The following EXPH5 variants were observed in gnomAD, a reference collection of about 807,000 sequenced individuals.
The protein encoded by EXPH5 is exophilin 5.
A neutral mutation model predicts 41.1 loss-of-function variants in EXPH5; 42 were observed. The observed-to-expected ratio is 1.02, with a 90% CI of 0.80 to 1.32. The LOEUF is 1.32. EXPH5 is among the 40% of genes most tolerant of loss of function. The pLI, the probability that EXPH5 is intolerant of heterozygous loss-of-function variation, is 0.00. For missense variants in EXPH5, 2,298 were observed against 2,314.5 expected (o/e 0.99, Z 0.15); for synonymous variants, 798 against 833.5 (o/e 0.96, Z 0.73).
At chr11:108,563,178 T>C (rs2094020273) in intron 1 of EXPH5, among the ~76,000 whole-genome samples, 1 of 152,176 alleles carries the variant, frequency 6.6e-6, no homozygotes, top group Non-Finnish European at 1.5e-5. Flanking sequence ...CTTAATTTTG[T>C]CCCTTGTGGT....
rs114011942 is a variant in EXPH5 at position 108,511,647 on chromosome 11, T to A, written c.3860A>T (p.Glu1287Val). The A allele has an allele frequency of 6.2e-7, 1 of 1,609,498 alleles. No individual in the cohort carries two copies. Among genetic ancestry groups the A allele is most frequent in the African/African-American group, 1.3e-5 (1 of 74,740 alleles). Reference protein sequence around the residue: ...LLIESPQVETETFPNALEKDK... With the variant: ...LLIESPQVETVTFPNALEKDK... ...TTTTTCTAAAGCGTTAGGAAATGTT[T>A]CAGTCTCCACTTGAGGTGATTCTAT... The change falls in exon 6 of 6, where the codon GAA (glutamate) becomes GTA (valine). Residue 1287 changes from glutamate to valine, a missense_variant. Physicochemically the swap from Glu to Val is moderately radical, Grantham distance 121. Coordinates refer to ENST00000265843, the MANE Select transcript of EXPH5 (RefSeq NM_015065.3).
In EXPH5 at chr11:108,539,127, G is replaced by C. The variant is rs141592774; in HGVS notation, c.340C>G (p.Pro114Ala). 621 of 1,610,722 alleles carry C rather than the reference G, an allele frequency of 3.9e-4. 1 individual carries two copies. Among genetic ancestry groups the C allele is most frequent in the Non-Finnish European group, 5.1e-4 (602 of 1,178,144 alleles). The change falls in exon 3 of 6, where the codon CCT becomes GCT. Residue 114 changes from proline to alanine, a missense_variant. Physicochemically the swap from Pro to Ala is conservative, Grantham distance 27. Coordinates refer to ENST00000265843, the MANE Select transcript of EXPH5 (RefSeq NM_015065.3). ...CTGAAGCTCATCCGGGAAGAAAAAG[G>C]TGTCGGCTTTTTTTGATTAGTTACA... is the stretch of plus-strand genomic sequence containing the variant. ...KNVTNQKKPT[P>A]FSSRMSFRSS...
chr11:108,505,617 C>G lies in EXPH5; in HGVS notation c.*3920G>C, dbSNP rs1163221349. 6.6e-6 allele frequency: 1 copy of G among 152,110 alleles called. No homozygotes were observed. The highest frequency in any genetic ancestry group is 1.5e-5 in the Non-Finnish European group (1 of 68,014). The allele number at this position is 152,110 out of a possible 1,614,324, so 9.4% of individuals were successfully genotyped here. ...ATACAGAACTGCCAGTCACAAAGAGCCACTAAGTGGCAATACAGCCACAAA... is the reference window on the plus strand; with the variant it reads ...ATACAGAACTGCCAGTCACAAAGAGGCACTAAGTGGCAATACAGCCACAAA... On this transcript the variant is annotated 3_prime_UTR_variant, in exon 6 of 6. Coordinates refer to ENST00000265843, the MANE Select transcript of EXPH5 (RefSeq NM_015065.3).
At position 108,593,562 on chromosome 11, in the gene EXPH5, T is replaced by C; in HGVS notation, c.-26A>G. 2 of 1,614,042 alleles carry C rather than the reference T, an allele frequency of 1.2e-6. No homozygotes were observed. The highest frequency in any genetic ancestry group is 1.7e-6 in the Non-Finnish European group (2 of 1,179,960). On this transcript the variant is annotated 5_prime_UTR_variant, in exon 1 of 6. Transcript: ENST00000265843. ...TTTCTTTACTGTGTGTGAGTTACAC[T>C]TAAGCTCCTTGGCGCCTCCTGTTAG...
intron 1 of EXPH5, among the ~76,000 whole-genome samples, chr11:108,568,357 G>C (rs2094044475): frequency 1.3e-5 from 2 of 152,204 alleles, no homozygotes; most frequent in South Asian, 4.2e-4. Flanking sequence ...TGGCCGGCGT[G>C]GTGGTTCCTG....
At chr11:108,569,763 T>C (rs953529347) in intron 1 of EXPH5, among the ~76,000 whole-genome samples, 1 of 152,156 alleles carries the variant, frequency 6.6e-6, no homozygotes, top group South Asian at 2.1e-4. Context: ...GTGAGTGCTG[T>C]TGAACAGAAA....
intron 4 of EXPH5, among the ~76,000 whole-genome samples, chr11:108,523,329 C>T (rs2093777399): frequency 6.6e-6 from 1 of 152,144 alleles, no homozygotes; most frequent in Admixed American, 6.6e-5. Flanking sequence ...CATGCAAGTG[C>T]CTTACTGAAG....
At chr11:108,598,531 A>G (rs1184845945), upstream of EXPH5, among the ~76,000 whole-genome samples, 1 of 50,864 alleles carries the variant, frequency 2.0e-5, no homozygotes, top group East Asian at 3.9e-4. Context: ...TATGAAGAAA[A>G]TTAACAGAGT....
At chr11:108,527,202 C>G (rs1363258854) in intron 4 of EXPH5, among the ~76,000 whole-genome samples, 1 of 151,986 alleles carries the variant, frequency 6.6e-6, no homozygotes, top group African/African-American at 2.4e-5. Flanking sequence ...GGCCTGCAAT[C>G]CCAGCTAATT....
intron 1 of EXPH5, among the ~76,000 whole-genome samples, chr11:108,574,220 T>C (rs2094072551): frequency 6.6e-6 from 1 of 151,918 alleles, no homozygotes; most frequent in African/African-American, 2.4e-5. Flanking sequence ...ACAAAAAGAT[T>C]TTTAAAAAAT....
chr11:108,554,052 T>C (rs1303679354), intron 1 of EXPH5, among the ~76,000 whole-genome samples: 3 of 150,218 alleles, frequency 2.0e-5, no homozygotes, highest in Non-Finnish European at 4.4e-5. Flanking sequence ...GGGATGAATG[T>C]GGCCCCTGAC....
At chr11:108,521,613 A>C (rs894525387) in intron 4 of EXPH5, among the ~76,000 whole-genome samples, 1 of 152,346 alleles carries the variant, frequency 6.6e-6, no homozygotes, top group East Asian at 1.9e-4. Context: ...ATCATTTGAG[A>C]AATCAGATCA....
At position 108,593,572 on chromosome 11, in the gene EXPH5, T is replaced by C; in HGVS notation, c.-36A>G. ...GTGTGTGAGTTACACTTAAGCTCCT[T>C]GGCGCCTCCTGTTAGGAAGGCATTT... On this transcript the variant is annotated 5_prime_UTR_variant, in exon 1 of 6. Transcript: ENST00000265843. 1.2e-6 allele frequency: 2 copies of C among 1,613,830 alleles called. No homozygotes were observed. Among genetic ancestry groups the C allele is most frequent in the Non-Finnish European group, 8.5e-7 (1 of 1,179,880 alleles).
At chr11:108,524,352 G>A (rs2093784514) in intron 4 of EXPH5, among the ~76,000 whole-genome samples, 1 of 152,210 alleles carries the variant, frequency 6.6e-6, no homozygotes, top group African/African-American at 2.4e-5. Context: ...GATGCATTTA[G>A]AATGATGTCT....
chr11:108,566,010 A>C (rs2094033067), intron 1 of EXPH5, among the ~76,000 whole-genome samples: 1 of 152,252 alleles, frequency 6.6e-6, no homozygotes. Context: ...ATGAGCACTT[A>C]AATGTGTAAG....
At chr11:108,579,879 C>G (rs2094092547) in intron 1 of EXPH5, among the ~76,000 whole-genome samples, 1 of 152,090 alleles carries the variant, frequency 6.6e-6, no homozygotes. Context: ...GCAGCAACAG[C>G]AGTGGTAGCT....
At chr11:108,597,207 A>C (rs779726648), upstream of EXPH5, among the ~76,000 whole-genome samples, 1 of 151,466 alleles carries the variant, frequency 6.6e-6, no homozygotes, top group Non-Finnish European at 1.5e-5. Context: ...TTTTATTTTT[A>C]TTTTTCTTGA....
intron 3 of EXPH5, among the ~76,000 whole-genome samples, chr11:108,532,589 T>G (rs1438711535): frequency 2.0e-5 from 3 of 151,320 alleles, no homozygotes; most frequent in Non-Finnish European, 4.4e-5. Context: ...ACCTCATCAT[T>G]TGGCCAGTTT....
intron 1 of EXPH5, among the ~76,000 whole-genome samples, chr11:108,544,537 C>T (rs2136040469): frequency 6.6e-6 from 1 of 152,298 alleles, no homozygotes; most frequent in Middle Eastern, 3.4e-3. Context: ...CGGTTGTGTA[C>T]ATATCCACCA....
Sources: gnomAD v4.1 joint callset for allele counts (sites outside exome capture counted in the v4.1 genomes callset) on GRCh38, gnomAD v4.1.1 for gene constraint, MANE v1.5 for transcripts, NCBI Gene and HGNC (gene_info 2026-07-23, HGNC 2026-07-21) for gene names.